The following EYS variants were observed in gnomAD, a reference collection of about 807,000 sequenced individuals.
The protein encoded by EYS is EGF-like photoreceptor maintenance factor.
A neutral mutation model predicts 282.1 loss-of-function variants in EYS; 250 were observed. The ratio of observed to expected loss-of-function variants is 0.89; its 90% confidence interval spans 0.80 to 0.98. The LOEUF is 0.98. Among genes scored for constraint, EYS ranks in the 50% least tolerant of loss-of-function variants. EYS has a pLI of 0.00. For synonymous variants in EYS, 1,355 were observed against 1,282.9 expected, an observed-to-expected ratio of 1.06 and a Z score of -1.20; for missense variants, 4,016 against 3,709.0, an observed-to-expected ratio of 1.08 and a Z score of -2.15.
intron 35 of EYS, among the ~76,000 whole-genome samples, chr6:63,969,076 A>T (rs565838851): frequency 1.3e-5 from 2 of 152,288 alleles, no homozygotes; most frequent in East Asian, 1.9e-4. Context: ...GAGTGTTTTC[A>T]CAGTGATATA....
intron 29 of EYS, among the ~76,000 whole-genome samples, chr6:64,352,733 A>G (rs768000503): frequency 6.6e-6 from 1 of 151,584 alleles, no homozygotes; most frequent in Non-Finnish European, 1.5e-5. Flanking sequence ...CTGTTCTTAT[A>G]TCTATATGGA....
At chr6:65,428,923 C>T (rs1767766970) in intron 5 of EYS, among the ~76,000 whole-genome samples, 1 of 152,090 alleles carries the variant, frequency 6.6e-6, no homozygotes, top group South Asian at 2.1e-4. Flanking sequence ...TGGCTCATGC[C>T]TATAATCCTG....
chr6:65,492,978 G>A (rs1446254810), intron 4 of EYS, among the ~76,000 whole-genome samples: 3 of 151,918 alleles, frequency 2.0e-5, no homozygotes, highest in Non-Finnish European at 4.4e-5. Flanking sequence ...GTGCAATGGC[G>A]CGATCTCAGC....
chr6:65,690,452 T>C (rs1249438123), intron 1 of EYS, among the ~76,000 whole-genome samples: 2 of 149,816 alleles, frequency 1.3e-5, no homozygotes, highest in Non-Finnish European at 3.0e-5. Flanking sequence ...CCCAGAGCTA[T>C]GAACATCTGC....
intron 2 of EYS, among the ~76,000 whole-genome samples, chr6:65,618,892 G>T (rs1181971093): frequency 1.3e-5 from 2 of 152,072 alleles, no homozygotes; most frequent in African/African-American, 4.8e-5. Flanking sequence ...TGAGGGCTCT[G>T]TTCTGTTCCA....
At chr6:65,664,063 G>T (rs1197536070) in intron 1 of EYS, among the ~76,000 whole-genome samples, 1 of 151,754 alleles carries the variant, frequency 6.6e-6, no homozygotes, top group African/African-American at 2.4e-5. Flanking sequence ...GTGGAGACGG[G>T]GTTTCACCGT....
intron 1 of EYS, among the ~76,000 whole-genome samples, chr6:65,660,946 AATG>A (rs1225067862): frequency 2.0e-5 from 3 of 151,890 alleles, no homozygotes; most frequent in East Asian, 1.9e-4. Context: ...TTATTATGAT[AATG>A]ATGATAATAA....
chr6:64,019,824 GTATATATATATATATGTATATATAAGTA>G (rs1411901175), intron 33 of EYS, among the ~76,000 whole-genome samples: 52 of 138,060 alleles, frequency 3.8e-4, no homozygotes, highest in African/African-American at 1.3e-3. Context: ...GTATATATAA[GTATATATATATATATGTATATATAAGTA>G]TATATATATA....
chr6:65,619,529 A>G (rs960433893), intron 2 of EYS, among the ~76,000 whole-genome samples: 3 of 152,108 alleles, frequency 2.0e-5, no homozygotes, highest in African/African-American at 2.4e-5. Context: ...TCTTTTCCTA[A>G]TTGAATACCC....
chr6:64,267,260 T>A (rs1424404829), intron 30 of EYS, among the ~76,000 whole-genome samples: 1 of 152,142 alleles, frequency 6.6e-6, no homozygotes, highest in African/African-American at 2.4e-5. Context: ...ATGGGACTGC[T>A]ATTCAGTGGA....
intron 35 of EYS, among the ~76,000 whole-genome samples, chr6:63,930,726 T>G (rs1581990624): frequency 1.3e-5 from 2 of 152,180 alleles, no homozygotes; most frequent in Non-Finnish European, 2.9e-5. Context: ...AAATGGCAGG[T>G]TGAAGACTCA....
intron 22 of EYS, among the ~76,000 whole-genome samples, chr6:64,742,434 G>A (rs1001540333): frequency 1.3e-5 from 2 of 152,110 alleles, no homozygotes; most frequent in Non-Finnish European, 2.9e-5. Context: ...CACAAAATGA[G>A]CACCTACTGT....
At position 64,108,635 on chromosome 6, in the gene EYS, A is replaced by G. The variant is rs116184339; in HGVS notation, c.6425-26633T>C. Among the ~76,000 whole-genome samples, 989 of 151,488 alleles carry G rather than the reference A, an allele frequency of 6.5e-3. 16 individuals carry two copies. Among genetic ancestry groups the G allele is most frequent in the South Asian group, 0.064 (306 of 4,814 alleles). On this transcript the variant is annotated intron_variant, in intron 31 of 42. Coordinates refer to ENST00000503581, the MANE Select transcript of EYS (RefSeq NM_001142800.2). Reference sequence around the variant, plus strand: ...ACTAATTCTGCTGCTTATTAATTCTAAAATTGAGAATCTTAAAATGTCACC... The same window carrying G: ...ACTAATTCTGCTGCTTATTAATTCTGAAATTGAGAATCTTAAAATGTCACC...
At chr6:63,773,765 C>T (rs1396998906) in intron 40 of EYS, among the ~76,000 whole-genome samples, 1 of 152,046 alleles carries the variant, frequency 6.6e-6, no homozygotes, top group Non-Finnish European at 1.5e-5. Context: ...CATTGTTGGA[C>T]AAAATATATA....
chr6:64,461,603 T>G (rs967061791), intron 26 of EYS, among the ~76,000 whole-genome samples: 2 of 152,174 alleles, frequency 1.3e-5, no homozygotes, highest in African/African-American at 4.8e-5. Context: ...TTGCCTTATT[T>G]TCTTTATACT....
intron 22 of EYS, among the ~76,000 whole-genome samples, chr6:64,810,354 T>C (rs1205860819): frequency 2.6e-5 from 4 of 152,070 alleles, no homozygotes; most frequent in Admixed American, 6.6e-5. Flanking sequence ...TTATAACATA[T>C]AGCATTCATG....
chr6:64,519,132 G>A (rs1777653979), intron 26 of EYS, among the ~76,000 whole-genome samples: 2 of 151,740 alleles, frequency 1.3e-5, no homozygotes, highest in Non-Finnish European at 2.9e-5. Context: ...AGGTGTTTGA[G>A]TGAGCAATAG....
At chr6:65,146,763 G>A (rs764227551) in intron 12 of EYS, among the ~76,000 whole-genome samples, 4 of 151,746 alleles carry the variant, frequency 2.6e-5, no homozygotes, top group Non-Finnish European at 4.4e-5. Context: ...TTGTCTCAAG[G>A]GTAAGTCTAA....
chr6:63,999,748 T>C (rs1393811179), intron 33 of EYS, among the ~76,000 whole-genome samples: 1 of 151,874 alleles, frequency 6.6e-6, no homozygotes, highest in Non-Finnish European at 1.5e-5. Flanking sequence ...AAGCATAAGG[T>C]TAAGGGAGTT....
Sources: gnomAD v4.1 joint callset for allele counts (sites outside exome capture counted in the v4.1 genomes callset) on GRCh38, gnomAD v4.1.1 for gene constraint, MANE v1.5 for transcripts, NCBI Gene and HGNC (gene_info 2026-07-23, HGNC 2026-07-21) for gene names.